The following APBB2 variants were observed in gnomAD, a reference collection of about 807,000 sequenced individuals.
APBB2 encodes amyloid beta precursor protein binding family B member 2, also known as Fe65-like 1.
In APBB2, 38 loss-of-function variants were observed where a neutral mutation model predicts 82.5. The ratio of observed to expected loss-of-function variants is 0.46; its 90% confidence interval spans 0.36 to 0.60. The LOEUF (loss-of-function observed/expected upper bound fraction) is 0.60. Among genes scored for constraint, APBB2 ranks in the 20% least tolerant of loss-of-function variants. APBB2 has a pLI of 0.00. For missense variants in APBB2, 772 were observed against 972.3 expected (o/e 0.79, Z 2.74); for synonymous variants, 341 against 368.2 (o/e 0.93, Z 0.85).
At chr4:41,179,301 C>T (rs999744416) in intron 1 of APBB2, among the ~76,000 whole-genome samples, 2 of 152,094 alleles carry the variant, frequency 1.3e-5, no homozygotes, top group African/African-American at 2.4e-5. Context: ...CTGAGATGTC[C>T]GAGTACCTCA....
intron 5 of APBB2, among the ~76,000 whole-genome samples, chr4:41,015,623 T>A (rs540994309): frequency 6.6e-6 from 1 of 152,316 alleles, no homozygotes; most frequent in South Asian, 2.1e-4. Flanking sequence ...GTCCCTATGC[T>A]TCCAGGAAGC....
chr4:41,021,420 T>C (rs187435479), intron 5 of APBB2, among the ~76,000 whole-genome samples: 6 of 152,160 alleles, frequency 3.9e-5, no homozygotes, highest in Admixed American at 6.5e-5. Flanking sequence ...AGCTAGAGGA[T>C]TGTAAATGCA....
chr4:40,974,663 A>C (rs1434121372), intron 6 of APBB2, among the ~76,000 whole-genome samples: 2 of 152,324 alleles, frequency 1.3e-5, no homozygotes, highest in East Asian at 3.9e-4. Context: ...ATCTCCATGA[A>C]GATCTGTCTG....
chr4:40,938,878 A>G (rs1485469702), intron 7 of APBB2, among the ~76,000 whole-genome samples: 1 of 152,178 alleles, frequency 6.6e-6, no homozygotes, highest in Non-Finnish European at 1.5e-5. Flanking sequence ...TTAAACACCA[A>G]TGTTGCAGTA....
intron 12 of APBB2, among the ~76,000 whole-genome samples, chr4:40,886,324 C>T (rs1770255271): frequency 6.6e-6 from 1 of 152,002 alleles, no homozygotes; most frequent in Non-Finnish European, 1.5e-5. Context: ...ACTAAAAATA[C>T]AAAAAATTGG....
At chr4:40,918,933 T>C (rs76982264) in intron 10 of APBB2, among the ~76,000 whole-genome samples, 2 of 152,188 alleles carry the variant, frequency 1.3e-5, no homozygotes, top group African/African-American at 2.4e-5. Flanking sequence ...TTTACATTTA[T>C]ATAGAGCCTT....
chr4:40,978,783 TCC>T (rs1797792931), intron 6 of APBB2, among the ~76,000 whole-genome samples: 1 of 152,166 alleles, frequency 6.6e-6, no homozygotes, highest in South Asian at 2.1e-4. Flanking sequence ...GCTCATTTTC[TCC>T]AAGATTCCAT....
intron 2 of APBB2, among the ~76,000 whole-genome samples, chr4:41,105,006 C>T (rs1746685967): frequency 6.6e-6 from 1 of 152,184 alleles, no homozygotes; most frequent in South Asian, 2.1e-4. Context: ...GCTTTCCTGG[C>T]ATACCTGCAC....
intron 1 of APBB2, chr4:41,193,656 C>T: frequency 1.4e-6 from 1 of 696,044 alleles, no homozygotes; most frequent in African/African-American, 1.9e-5. Context: ...CTCCCAGGAC[C>T]CAGTTGGATA....
intron 12 of APBB2, among the ~76,000 whole-genome samples, chr4:40,843,685 A>C (rs1241922290): frequency 6.6e-6 from 1 of 152,246 alleles, no homozygotes; most frequent in Non-Finnish European, 1.5e-5. Flanking sequence ...AGCATGCCCC[A>C]GGGCAGTTAA....
At chr4:40,993,938 C>T (rs1051294071) in intron 6 of APBB2, among the ~76,000 whole-genome samples, 2 of 152,034 alleles carry the variant, frequency 1.3e-5, no homozygotes, top group Non-Finnish European at 2.9e-5. Context: ...CTGAGACCCA[C>T]TACCTGCGTC....
chr4:40,863,246 T>C (rs1763211017), intron 12 of APBB2, among the ~76,000 whole-genome samples: 2 of 152,212 alleles, frequency 1.3e-5, no homozygotes, highest in Non-Finnish European at 2.9e-5. Flanking sequence ...CTCACAGCTA[T>C]GTGGATGTCA....
intron 12 of APBB2, among the ~76,000 whole-genome samples, chr4:40,840,569 G>A (rs1014970883): frequency 2.3e-4 from 35 of 152,084 alleles, no homozygotes; most frequent in African/African-American, 6.3e-4. Flanking sequence ...TCAGGCTCTC[G>A]CTTGGTAAGC....
intron 10 of APBB2, among the ~76,000 whole-genome samples, chr4:40,903,186 T>C (rs1775790636): frequency 6.6e-6 from 1 of 151,376 alleles, no homozygotes; most frequent in Non-Finnish European, 1.5e-5. Context: ...ATGGGCCAGG[T>C]GTGGTGGCTC....
intron 3 of APBB2, among the ~76,000 whole-genome samples, chr4:41,067,869 C>A (rs1041890202): frequency 1.3e-5 from 2 of 152,108 alleles, no homozygotes; most frequent in African/African-American, 2.4e-5. Flanking sequence ...AAAGGGAATG[C>A]GTGGCTGCTG....
chr4:41,011,329 C>T (rs1053476018), intron 6 of APBB2, among the ~76,000 whole-genome samples: 5 of 151,646 alleles, frequency 3.3e-5, no homozygotes, highest in African/African-American at 1.2e-4. Flanking sequence ...TACAGGCACG[C>T]ACCACCACAC....
intron 3 of APBB2, among the ~76,000 whole-genome samples, chr4:41,065,964 G>C (rs1290703390): frequency 1.3e-5 from 2 of 151,984 alleles, no homozygotes; most frequent in Non-Finnish European, 2.9e-5. Context: ...CAAAAGTCCA[G>C]GCAATCTCAC....
chr4:40,936,842 G>C (rs183857244), intron 7 of APBB2, among the ~76,000 whole-genome samples: 8 of 152,228 alleles, frequency 5.3e-5, no homozygotes, highest in Admixed American at 3.9e-4. Flanking sequence ...TAATAACCTA[G>C]GGCAATCTTA....
At chr4:41,107,542 G>A (rs1019178085) in intron 2 of APBB2, among the ~76,000 whole-genome samples, 8 of 152,188 alleles carry the variant, frequency 5.3e-5, no homozygotes, top group African/African-American at 1.9e-4. Flanking sequence ...AAGGGTTGTT[G>A]TAGGACAGAA....
Sources: gnomAD v4.1 joint callset for allele counts (sites outside exome capture counted in the v4.1 genomes callset) on GRCh38, gnomAD v4.1.1 for gene constraint, MANE v1.5 for transcripts, NCBI Gene and HGNC (gene_info 2026-07-23, HGNC 2026-07-21) for gene names.